Variants in INPP4A observed in about 807,000 individuals in gnomAD.
INPP4A encodes the protein inositol polyphosphate-4-phosphatase, type I, 107kD.
INPP4A carries 33 observed loss-of-function variants against 119.8 expected under a neutral mutation model. That is an observed-to-expected ratio of 0.28 (90% confidence interval 0.21 to 0.37). The LOEUF (loss-of-function observed/expected upper bound fraction) is 0.37. Ranked by LOEUF, INPP4A falls within the 10% of genes least tolerant of loss-of-function variation. The pLI is 1.00. For missense variants in INPP4A, 956 were observed against 1,289.9 expected (o/e 0.74, Z 3.97); for synonymous variants, 496 against 500.7 (o/e 0.99, Z 0.12).
chr2:98,568,348 C>A (rs1696853725), intron 21 of INPP4A, among the ~76,000 whole-genome samples: 1 of 152,184 alleles, frequency 6.6e-6, no homozygotes, highest in South Asian at 2.1e-4. Flanking sequence ...CTCTCAGGCA[C>A]GCCTGTAACA....
intron 24 of INPP4A, among the ~76,000 whole-genome samples, chr2:98,580,797 G>GA (rs1158652782): frequency 1.3e-5 from 2 of 152,344 alleles, no homozygotes; most frequent in East Asian, 3.9e-4. Context: ...GCTGCCACTT[G>GA]GCAGACATAA....
Position 98,566,070 on chromosome 2 carries a change from T to C in INPP4A, c.2321T>C (p.Phe774Ser). 6.2e-7 allele frequency: 1 copy of C among 1,603,974 alleles called. No homozygotes were observed. Among genetic ancestry groups the C allele is most frequent in the Non-Finnish European group, 8.5e-7 (1 of 1,175,664 alleles). ...CGGGTCCCTCTGCCGGGCCCGCTGT[T>C]TGACGCCTTGCCCCGGGAGATCCAG... is the stretch of plus-strand genomic sequence containing the variant. Reference protein sequence around the residue: ...NVRVPLPGPLFDALPREIQSG... With the variant: ...NVRVPLPGPLSDALPREIQSG... Residue 774 changes from phenylalanine (F) to serine (S), a missense_variant, in exon 21 of 25, where the codon TTT becomes TCT. Coordinates refer to ENST00000409851, the MANE Select transcript of INPP4A (RefSeq NM_001134225.2). The surrounding 1 kb of genome is among the most constrained non-coding windows in gnomAD (Gnocchi z 4.2).
At position 98,576,932 on chromosome 2, in the gene INPP4A, G is replaced by T. The variant is rs1301178862; in HGVS notation, c.2632-57G>T. 9.6e-6 allele frequency: 15 copies of T among 1,570,532 alleles called. No individual in the cohort carries two copies. In the African/African-American group the frequency reaches 2.0e-4, roughly 21 times the overall value. ...TTGGGAGCCTTTCCTGTGTGTGAAG[G>T]GTGCTGCCTTTCTGTGGAGCCTCGC... is the stretch of plus-strand genomic sequence containing the variant. On this transcript the variant is annotated intron_variant, in intron 23 of 24. Transcript: ENST00000409851.
chr2:98,493,466 A>G (rs1681277269), intron 1 of INPP4A, among the ~76,000 whole-genome samples: 1 of 131,878 alleles, frequency 7.6e-6, no homozygotes, highest in Non-Finnish European at 1.5e-5. Flanking sequence ...TCCCTCTGTC[A>G]TCCATGCTGC....
chr2:98,498,640 G>A (rs1682520831), intron 1 of INPP4A, among the ~76,000 whole-genome samples: 1 of 152,084 alleles, frequency 6.6e-6, no homozygotes, highest in Non-Finnish European at 1.5e-5. Flanking sequence ...ACTGTGTTAA[G>A]GACTGAATTG....
At chr2:98,568,515 C>T (rs777257536) in intron 21 of INPP4A, 56 bp from the exon 22 acceptor site, 66 of 823,386 alleles carry the variant, frequency 8.0e-5, no homozygotes, top group Non-Finnish European at 1.2e-4. Context: ...CAGTTGTGTT[C>T]ATGTTAGAAG....
rs1048815681 is a variant in INPP4A at position 98,570,001 on chromosome 2, G to A, written c.2518+1333G>A. The stretch of plus-strand genomic sequence containing the variant: ...AGGCGTTAGGGGGGTTTGGGCTGAG[G>A]ATGCACTCCTCAGCGGCCACGTGCA... On this transcript the variant is annotated intron_variant, in intron 22 of 24. Transcript: ENST00000409851. This position sits in a 1 kb window ranked among gnomAD's most constrained non-coding sequence, Gnocchi z 4.3. Among the ~76,000 whole-genome samples the A allele has an allele frequency of 3.9e-5, 6 of 152,134 alleles. No homozygotes were observed. The highest frequency in any genetic ancestry group is 3.3e-4 in the Admixed American group (5 of 15,284).
chr2:98,564,279 C>A (rs1696030390), intron 18 of INPP4A, among the ~76,000 whole-genome samples: 1 of 152,190 alleles, frequency 6.6e-6, no homozygotes, highest in African/African-American at 2.4e-5. Context: ...CTGGGGCTAA[C>A]TCAGTTTCCA....
At chr2:98,559,366 C>A in intron 16 of INPP4A, 97 bp from the exon 17 acceptor site, 1 of 1,379,136 alleles carries the variant, frequency 7.3e-7, no homozygotes, top group Non-Finnish European at 1.0e-6. Flanking sequence ...CGCCTTACTG[C>A]AAGCTGCTGA....
At chr2:98,502,829 A>C (rs888069286) in intron 1 of INPP4A, among the ~76,000 whole-genome samples, 3 of 152,334 alleles carry the variant, frequency 2.0e-5, no homozygotes, top group Admixed American at 6.5e-5. Context: ...CCCTGCTCTA[A>C]GGGTTTTATT....
intron 8 of INPP4A, 131 bp downstream of exon 8, chr2:98,538,105 G>A (rs960663226): frequency 9.5e-6 from 6 of 630,706 alleles, no homozygotes; most frequent in South Asian, 1.9e-5. Flanking sequence ...TGCTCCCCAC[G>A]GACACTCCGG....
At chr2:98,575,587 T>C (rs1161045020) in intron 23 of INPP4A, among the ~76,000 whole-genome samples, 1 of 152,222 alleles carries the variant, frequency 6.6e-6, no homozygotes, top group African/African-American at 2.4e-5. Flanking sequence ...ATTCTCCTTC[T>C]GATTGTCTTG....
At chr2:98,545,051 T>G (rs1438283998) in intron 11 of INPP4A, among the ~76,000 whole-genome samples, 1 of 152,196 alleles carries the variant, frequency 6.6e-6, no homozygotes, top group Admixed American at 6.5e-5. Flanking sequence ...AGAATTGTGT[T>G]GAAGTGGCAG....
chr2:98,536,047 G>A, intron 6 of INPP4A, 82 bp from the exon 7 acceptor site: 1 of 883,524 alleles, frequency 1.1e-6, no homozygotes, highest in Non-Finnish European at 1.8e-6. Flanking sequence ...GAAGCAGTCA[G>A]CTGGACTCTC....
At chr2:98,539,416 C>T in intron 9 of INPP4A, 112 bp from the exon 10 acceptor site, 1 of 1,167,610 alleles carries the variant, frequency 8.6e-7, no homozygotes, top group Non-Finnish European at 1.2e-6. Flanking sequence ...ATGAGATGAA[C>T]AGTGAGAGGA....
intron 5 of INPP4A, among the ~76,000 whole-genome samples, chr2:98,534,400 G>T (rs1689824866): frequency 1.3e-5 from 2 of 152,188 alleles, no homozygotes; most frequent in South Asian, 4.1e-4. Context: ...CCAGGAGGCT[G>T]GGATCCTATC....
At chr2:98,515,806 C>T (rs1056269138) in intron 1 of INPP4A, among the ~76,000 whole-genome samples, 34 of 152,240 alleles carry the variant, frequency 2.2e-4, no homozygotes, top group Middle Eastern at 3.4e-3. Context: ...TGTGTGAATC[C>T]TAACACCCCT....
chr2:98,546,471 G>A lies in INPP4A; in HGVS notation c.1055-115G>A. 1.4e-6 allele frequency: 1 copy of A among 691,192 alleles called. No homozygotes were observed. Among genetic ancestry groups the A allele is most frequent in the Non-Finnish European group, 2.5e-6 (1 of 402,032 alleles). The allele number at this position is 691,192 out of a possible 1,614,324, so 42.8% of individuals were successfully genotyped here. The stretch of plus-strand genomic sequence containing the variant: ...GGCTGTGGGATCAGGGGAACCAAAG[G>A]CTGTACAGCAGTGGGCTGGAGGGTC... On this transcript the variant is annotated intron_variant, in intron 12 of 24. Coordinates refer to ENST00000409851, the MANE Select transcript of INPP4A (RefSeq NM_001134225.2). The surrounding 1 kb of genome is among the most constrained non-coding windows in gnomAD (Gnocchi z 4.2).
intron 24 of INPP4A, among the ~76,000 whole-genome samples, chr2:98,583,642 A>T (rs1426594826): frequency 1.3e-5 from 2 of 152,030 alleles, no homozygotes; most frequent in Admixed American, 6.6e-5. Context: ...TATGAAGACG[A>T]TTTTTTTTAA....
Sources: allele counts gnomAD v4.1 joint callset (sites outside exome capture counted in the v4.1 genomes callset), GRCh38; gene constraint gnomAD v4.1.1; non-coding constraint Gnocchi (gnomAD v3.1); transcripts MANE v1.5; gene names NCBI Gene and HGNC (gene_info 2026-07-23, HGNC 2026-07-21).